Variants in NAALADL2 observed in about 807,000 individuals in gnomAD.
NAALADL2 encodes the protein N-acetylated alpha-linked acidic dipeptidase like 2.
Under a neutral mutation model 87.2 loss-of-function variants are expected in NAALADL2, and 76 were observed. The observed-to-expected ratio is 0.87, with a 90% confidence interval of 0.72 to 1.05. NAALADL2 has a LOEUF of 1.05. NAALADL2 is among the 50% of genes least tolerant of loss of function. The pLI, the probability that NAALADL2 is intolerant of heterozygous loss-of-function variation, is 0.00. For missense variants in NAALADL2, 1,089 were observed against 945.8 expected, an observed-to-expected ratio of 1.15 and a Z score of -1.99; for synonymous variants, 354 against 331.0, an observed-to-expected ratio of 1.07 and a Z score of -0.75.
At chr3:175,023,088 T>C (rs1000866486) in intron 1 of NAALADL2, among the ~76,000 whole-genome samples, 2 of 152,108 alleles carry the variant, frequency 1.3e-5, no homozygotes, top group African/African-American at 2.4e-5. Flanking sequence ...AGTCTTCCAA[T>C]AGGTTCTTTT....
intron 3 of NAALADL2, among the ~76,000 whole-genome samples, chr3:174,781,229 A>G (rs1364499516): frequency 6.6e-6 from 1 of 151,770 alleles, no homozygotes; most frequent in African/African-American, 2.4e-5. Flanking sequence ...CTTCATTTCA[A>G]TTTTGGTGAA....
intron 1 of NAALADL2, among the ~76,000 whole-genome samples, chr3:174,961,873 A>G (rs937381651): frequency 2.0e-5 from 3 of 152,086 alleles, no homozygotes; most frequent in African/African-American, 7.2e-5. Context: ...TCTCATTCTC[A>G]CAGCAACCCT....
intron 9 of NAALADL2, among the ~76,000 whole-genome samples, chr3:175,519,632 A>G (rs549064934): frequency 6.6e-6 from 1 of 152,344 alleles, no homozygotes; most frequent in South Asian, 2.1e-4. Context: ...TGACTTGTAC[A>G]TTAATCATGA....
At chr3:175,686,775 AT>A (rs760917690) in intron 11 of NAALADL2, among the ~76,000 whole-genome samples, 2 of 152,258 alleles carry the variant, frequency 1.3e-5, no homozygotes, top group Admixed American at 6.5e-5. Context: ...TTCCGTGACT[AT>A]TTGCAAAATA....
chr3:174,846,954 T>C (rs2109451771), intron 3 of NAALADL2, among the ~76,000 whole-genome samples: 1 of 152,244 alleles, frequency 6.6e-6, no homozygotes, highest in East Asian at 1.9e-4. Flanking sequence ...TGGCCTCACC[T>C]AGAGGAAATG....
intron 2 of NAALADL2, among the ~76,000 whole-genome samples, chr3:174,568,301 G>A (rs932749662): frequency 1.3e-5 from 2 of 151,826 alleles, no homozygotes; most frequent in African/African-American, 2.4e-5. Flanking sequence ...ATTATGAGAC[G>A]TAATTTTTAG....
At chr3:175,360,746 T>C (rs13318346) in intron 5 of NAALADL2, among the ~76,000 whole-genome samples, 95,167 of 151,272 alleles carry the variant, frequency 0.63, 30,112 homozygotes, top group East Asian at 0.67. Context: ...TCTTTCTTCA[T>C]TTATTTTCCT....
chr3:175,094,523 A>G (rs975661545), intron 1 of NAALADL2, among the ~76,000 whole-genome samples: 2 of 151,948 alleles, frequency 1.3e-5, no homozygotes, highest in African/African-American at 4.8e-5. Flanking sequence ...AGCTATCATT[A>G]ACGTCATACG....
chr3:175,161,543 G>T lies in NAALADL2; in HGVS notation c.545+64252G>T, dbSNP rs111710064. Among the ~76,000 whole-genome samples the T allele has an allele frequency of 5.0e-3, 766 of 152,186 alleles. 8 individuals carry two copies. The highest frequency in any genetic ancestry group is 0.018 in the African/African-American group (743 of 41,528). Reference sequence around the variant, plus strand: ...GAGCAGGGTAGGAGTCAGGGCAGAGGATCCAGGTACTTATACATCTTCAAC... The same window carrying T: ...GAGCAGGGTAGGAGTCAGGGCAGAGTATCCAGGTACTTATACATCTTCAAC... On this transcript the variant is annotated intron_variant, in intron 2 of 13. Transcript: ENST00000454872.
At chr3:175,793,774 T>C (rs1753119818) in intron 13 of NAALADL2, among the ~76,000 whole-genome samples, 1 of 152,214 alleles carries the variant, frequency 6.6e-6, no homozygotes. Context: ...ACGTTTGGCT[T>C]CCAACCTAGA....
At chr3:175,261,192 T>C (rs1338352820) in intron 4 of NAALADL2, among the ~76,000 whole-genome samples, 1 of 152,138 alleles carries the variant, frequency 6.6e-6, no homozygotes, top group African/African-American at 2.4e-5. Context: ...CACAATGTAC[T>C]CACATTTCTC....
At chr3:174,931,106 G>A (rs1054070460) in intron 1 of NAALADL2, among the ~76,000 whole-genome samples, 8 of 152,168 alleles carry the variant, frequency 5.3e-5, no homozygotes, top group African/African-American at 1.9e-4. Context: ...TACTAAACAA[G>A]TATTTCGGGG....
At chr3:174,451,444 A>G (rs1403006964) in intron 1 of NAALADL2, among the ~76,000 whole-genome samples, 1 of 152,220 alleles carries the variant, frequency 6.6e-6, no homozygotes, top group Non-Finnish European at 1.5e-5. Context: ...TAAAGCAAGG[A>G]GAAAACTACA....
intron 2 of NAALADL2, among the ~76,000 whole-genome samples, chr3:174,645,297 G>A (rs140484001): frequency 1.5e-3 from 231 of 152,272 alleles, no homozygotes; most frequent in African/African-American, 5.3e-3. Context: ...GAAATACTGC[G>A]TGGCCACGGT....
rs1483162791 is a variant in NAALADL2 at position 175,806,245 on chromosome 3, G to GTACT, written c.*3044_*3047dup. On this transcript the variant is annotated 3_prime_UTR_variant, in exon 14 of 14. Transcript: ENST00000454872. ...TTCAGGCAAAGGACACAAAGACTGG[G>GTACT]TACTTGAGAGAAAGTGGGGAGAATC... 7 of 151,822 alleles carry GTACT rather than the reference G, an allele frequency of 4.6e-5. No individual in the cohort carries two copies. The highest frequency in any genetic ancestry group is 2.9e-5 in the Non-Finnish European group (2 of 67,868). 9.4% of individuals were successfully genotyped at this position (151,822 alleles called of 1,614,324 possible).
Position 175,186,363 on chromosome 3 carries a change from A to G in NAALADL2, c.546-47568A>G, listed in dbSNP as rs535680547. 2.2e-4 allele frequency among the ~76,000 whole-genome samples: 33 copies of G among 152,220 alleles called. 3 individuals are homozygous for G. The South Asian group carries it at 6.4e-3, about 30-fold the overall frequency. On this transcript the variant is annotated intron_variant, in intron 2 of 13. Transcript: ENST00000454872. Reference sequence around the variant, plus strand: ...GTCAAGAACTGACTGCAAAACCTTCATCAGATGTTCTTACTCTTTCCTTAC... The same window carrying G: ...GTCAAGAACTGACTGCAAAACCTTCGTCAGATGTTCTTACTCTTTCCTTAC...
At chr3:174,544,199 A>G (rs1722516328) in intron 1 of NAALADL2, among the ~76,000 whole-genome samples, 1 of 152,082 alleles carries the variant, frequency 6.6e-6, no homozygotes, top group Non-Finnish European at 1.5e-5. Flanking sequence ...TGATTTTTAA[A>G]TGGTTTATAT....
At chr3:175,740,691 C>G (rs1039440710) in intron 12 of NAALADL2, among the ~76,000 whole-genome samples, 1 of 152,160 alleles carries the variant, frequency 6.6e-6, no homozygotes. Context: ...GCGCATCTCC[C>G]CATGATCTTT....
At chr3:174,836,261 T>G (rs1354243889) in intron 3 of NAALADL2, among the ~76,000 whole-genome samples, 1 of 152,114 alleles carries the variant, frequency 6.6e-6, no homozygotes, top group East Asian at 1.9e-4. Flanking sequence ...ATGATTCCAC[T>G]TACATAGGTA....
Sources: allele counts gnomAD v4.1 joint callset (sites outside exome capture counted in the v4.1 genomes callset), GRCh38; gene constraint gnomAD v4.1.1; transcripts MANE v1.5; gene names NCBI Gene and HGNC (gene_info 2026-07-23, HGNC 2026-07-21).